The following CLTCL1 variants were observed in gnomAD, a reference collection of about 807,000 sequenced individuals.
The protein encoded by CLTCL1 is clathrin heavy chain 2.
A neutral mutation model predicts 190.0 loss-of-function variants in CLTCL1; 159 were observed. That is an observed-to-expected ratio of 0.84 (90% confidence interval 0.74 to 0.95). The LOEUF is 0.95. Among genes scored for constraint, CLTCL1 ranks in the 40% least tolerant of loss-of-function variants. The probability of loss-of-function intolerance (pLI) is 0.00; values close to 1 mark genes in which losing one functional copy is unlikely to be tolerated. For synonymous variants in CLTCL1, 752 were observed against 769.6 expected (o/e 0.98, Z 0.38); for missense variants, 1,878 against 2,033.4 (o/e 0.92, Z 1.47).
rs201497823 is a variant in CLTCL1 at position 19,254,086 on chromosome 22, C to T, written c.392G>A (p.Ser131Asn). ...LVTETAVYHW[S>N]MEGDSQPMKM... is the part of the protein sequence containing the mutation. Reference sequence around the variant, plus strand: ...CATGGGCTGGGAGTCACCTTCCATGCTCCAGTGGTAGACCGCGGTCTCGGT... The same window carrying T: ...CATGGGCTGGGAGTCACCTTCCATGTTCCAGTGGTAGACCGCGGTCTCGGT... The change falls in exon 3 of 33, where the codon AGC (serine) becomes AAC (asparagine). Residue 131 changes from serine (S) to asparagine (N), a missense_variant. Ser to Asn is a conservative substitution (Grantham distance 46, BLOSUM62 1). Transcript: ENST00000427926. 202 of 1,612,744 alleles carry T rather than the reference C, an allele frequency of 1.3e-4. 1 individual carries two copies. In the African/African-American group the frequency reaches 2.4e-3, roughly 19 times the overall value.
intron 23 of CLTCL1, 52 bp downstream of exon 23, chr22:19,201,277 G>A (rs1601496077): frequency 6.5e-7 from 1 of 1,548,614 alleles, no homozygotes. Context: ...AAAGGACACG[G>A]AGAGCGTGCC....
intron 18 of CLTCL1, among the ~76,000 whole-genome samples, chr22:19,219,528 G>C (rs932035169): frequency 2.0e-5 from 3 of 150,134 alleles, no homozygotes; most frequent in Non-Finnish European, 3.0e-5. Flanking sequence ...CTGTCGCCCA[G>C]GCTGGAGTGC....
rs539977681 is a variant in CLTCL1, at chr22:19,196,521, C to A, written c.4009G>T (p.Glu1337Ter). The A allele has an allele frequency of 6.2e-7, 1 of 1,614,078 alleles. No homozygotes were observed. The highest frequency in any genetic ancestry group is 1.1e-5 in the South Asian group (1 of 91,088). Residue 1337 changes from glutamate (E) to a stop codon, truncating the protein, a stop_gained, in exon 25 of 33, where the codon GAG becomes TAG. Transcript: ENST00000427926. LOFTEE classifies it high-confidence loss of function. ...ATGTTGACACGGGACCAGAAAAGCT[C>A]CAGATGCTCCAGCATCTTCTGTGGC... is the stretch of plus-strand genomic sequence containing the variant. The part of the protein sequence containing the change: ...FKPQKMLEHL[E>*]LFWSRVNIPK...
chr22:19,184,467 T>C (rs1460080573), intron 29 of CLTCL1: 1 of 456,024 alleles, frequency 2.2e-6, no homozygotes, highest in Non-Finnish European at 4.4e-6. Context: ...TGTGCTGAGC[T>C]GGCTCCGGAA....
chr22:19,202,088 T>A (rs2084905233), intron 22 of CLTCL1, among the ~76,000 whole-genome samples: 1 of 151,766 alleles, frequency 6.6e-6, no homozygotes, highest in South Asian at 2.1e-4. Flanking sequence ...GCGCCTCAAC[T>A]CCACCAGTCC....
At chr22:19,185,339 T>TC (rs1555927791) in intron 29 of CLTCL1, among the ~76,000 whole-genome samples, 1 of 151,524 alleles carries the variant, frequency 6.6e-6, no homozygotes, top group Non-Finnish European at 1.5e-5. Flanking sequence ...TTTTTTTTTT[T>TC]TTCTTGAGAC....
chr22:19,223,763 G>C (rs1555953939), intron 14 of CLTCL1, 128 bp downstream of exon 14: 1 of 1,034,284 alleles, frequency 9.7e-7, no homozygotes, highest in African/African-American at 1.6e-5. Context: ...GTGGAGCTCT[G>C]TCCCTGGGAC....
In CLTCL1 at chr22:19,225,610, G is replaced by C. The variant is rs1329092721; in HGVS notation, c.1971C>G (p.Ser657=). The change falls in exon 13 of 33, where the codon TCC becomes TCG. Residue 657 remains serine (S), a synonymous_variant. Coordinates refer to ENST00000427926, the MANE Select transcript of CLTCL1 (RefSeq NM_007098.4). ...NPEWLVNFFG[S]LSVEDSVECL... is the part of the protein sequence containing the mutation. ...ACTCCACAGAATCCTCCACCGATAAGGAGCCAAAGAAATTGACAAGCCACT... is the reference window on the plus strand; with the variant it reads ...ACTCCACAGAATCCTCCACCGATAACGAGCCAAAGAAATTGACAAGCCACT... 4 of 1,568,070 alleles carry C rather than the reference G, an allele frequency of 2.6e-6. No homozygotes were observed. The East Asian group carries it at 9.6e-5, about 38-fold the overall frequency.
intron 13 of CLTCL1, among the ~76,000 whole-genome samples, chr22:19,224,507 C>A (rs538818543): frequency 3.9e-5 from 6 of 152,240 alleles, no homozygotes; most frequent in Admixed American, 3.3e-4. Context: ...CCAGGGTGAG[C>A]CCCAGAGGAC....
rs782296769 is a variant in CLTCL1 at position 19,224,068 on chromosome 22, C to T, written c.2129-14G>A. 9 of 1,613,484 alleles carry T rather than the reference C, an allele frequency of 5.6e-6. No homozygotes were observed. In the African/African-American group the frequency reaches 6.7e-5, roughly 12 times the overall value. On this transcript the variant is annotated splice_polypyrimidine_tract_variant and intron_variant, in intron 13 of 32. Coordinates refer to ENST00000427926, the MANE Select transcript of CLTCL1 (RefSeq NM_007098.4). ...AGTAGAAGAGGCCTATGAAGAGAGA[C>T]CATTCCATTTTTGTCCTTGTAACAC...
chr22:19,187,815 G>C, intron 28 of CLTCL1, 87 bp from the exon 29 acceptor site: 1 of 1,434,614 alleles, frequency 7.0e-7, no homozygotes, highest in Non-Finnish European at 9.7e-7. Context: ...CTTGATGGCT[G>C]TTGCTATCAG....
chr22:19,269,358 C>T (rs1189760389), intron 2 of CLTCL1, among the ~76,000 whole-genome samples: 3 of 152,136 alleles, frequency 2.0e-5, no homozygotes, highest in Non-Finnish European at 4.4e-5. Flanking sequence ...CAATATCATG[C>T]CATTGCACTC....
Position 19,196,422 on chromosome 22 carries a change from AAGG to A in CLTCL1, c.4042-10_4042-8del, listed in dbSNP as rs781990630. ...GCTCTGCAGCCCTCAGCACCTGGAC[AAGG>A]AGGTCAGGGTCGGCTTGTGCTGCAC... On this transcript the variant is annotated splice_region_variant and splice_polypyrimidine_tract_variant and intron_variant, in intron 25 of 32. Transcript: ENST00000427926. 44 of 1,613,822 alleles carry A rather than the reference AAGG, an allele frequency of 2.7e-5. No homozygotes were observed. The highest frequency in any genetic ancestry group is 3.5e-5 in the Non-Finnish European group (41 of 1,179,870).
At chr22:19,187,363 A>G (rs2084347147) in intron 29 of CLTCL1, among the ~76,000 whole-genome samples, 195 bp downstream of exon 29, 1 of 152,182 alleles carries the variant, frequency 6.6e-6, no homozygotes, top group East Asian at 1.9e-4. Flanking sequence ...AAGGGGTGCT[A>G]GCTCACTCCC....
chr22:19,264,791 A>C (rs752322167), intron 2 of CLTCL1, among the ~76,000 whole-genome samples: 9 of 151,826 alleles, frequency 5.9e-5, no homozygotes, highest in Non-Finnish European at 2.9e-5. Flanking sequence ...AATTTCATGC[A>C]ATTTTTTTTT....
chr22:19,208,027 CTG>C, intron 22 of CLTCL1, 125 bp downstream of exon 22: 1 of 1,107,018 alleles, frequency 9.0e-7, no homozygotes, highest in Non-Finnish European at 1.3e-6. Flanking sequence ...CCCGACCTGT[CTG>C]TGGAAAAACT....
intron 27 of CLTCL1, among the ~76,000 whole-genome samples, chr22:19,190,977 C>T (rs562785119): frequency 3.2e-4 from 48 of 152,030 alleles, no homozygotes; most frequent in Non-Finnish European, 5.0e-4. Flanking sequence ...GGGGTTTCAC[C>T]GTGGTAGCCA....
intron 2 of CLTCL1, among the ~76,000 whole-genome samples, chr22:19,262,975 G>T (rs949878023): frequency 6.7e-6 from 1 of 149,436 alleles, no homozygotes; most frequent in African/African-American, 2.5e-5. Flanking sequence ...AAGTTGCAGA[G>T]AGTTGAGATA....
chr22:19,184,770 A>C (rs1415053731), intron 29 of CLTCL1: 2 of 339,188 alleles, frequency 5.9e-6, no homozygotes, highest in Non-Finnish European at 1.2e-5. Flanking sequence ...CAGTAGAAGC[A>C]GCCCCCAGGA....
Sources: gnomAD v4.1 joint callset for allele counts (sites outside exome capture counted in the v4.1 genomes callset) on GRCh38, gnomAD v4.1.1 for gene constraint, MANE v1.5 for transcripts, NCBI Gene and HGNC (gene_info 2026-07-23, HGNC 2026-07-21) for gene names.